PTPRD: variants seen among roughly 807,000 people sequenced by gnomAD.
PTPRD encodes receptor-type tyrosine-protein phosphatase delta.
PTPRD carries 34 observed loss-of-function variants against 214.5 expected under a neutral mutation model. The observed-to-expected ratio is 0.16, with a 90% confidence interval of 0.12 to 0.21. The LOEUF (loss-of-function observed/expected upper bound fraction) is 0.21. Ranked by LOEUF, PTPRD falls within the 10% of genes least tolerant of loss-of-function variation. The pLI is 1.00. For synonymous variants in PTPRD, 1,128 were observed against 845.7 expected (o/e 1.33, Z -5.79); for missense variants, 2,545 against 2,398.7 (o/e 1.06, Z -1.27).
intron 12 of PTPRD, among the ~76,000 whole-genome samples, chr9:8,702,050 T>G (rs950315529): frequency 6.6e-6 from 1 of 152,188 alleles, no homozygotes; most frequent in South Asian, 2.1e-4. Flanking sequence ...TTTATTTTTT[T>G]TAACGTGAGG....
intron 11 of PTPRD, among the ~76,000 whole-genome samples, chr9:8,776,354 G>C (rs1049392786): frequency 2.0e-5 from 3 of 152,158 alleles, no homozygotes; most frequent in Admixed American, 2.0e-4. Flanking sequence ...CCAGGCTGGA[G>C]TGCAATGGTG....
At chr9:9,424,393 T>TG (rs762565554) in intron 8 of PTPRD, among the ~76,000 whole-genome samples, 4 of 152,214 alleles carry the variant, frequency 2.6e-5, no homozygotes, top group Non-Finnish European at 4.4e-5. Flanking sequence ...ACCAGCTGGC[T>TG]GGCAACGGTC....
intron 10 of PTPRD, among the ~76,000 whole-genome samples, chr9:9,095,668 G>A (rs1192820158): frequency 6.6e-6 from 1 of 152,044 alleles, no homozygotes; most frequent in South Asian, 2.1e-4. Flanking sequence ...TGTAGATTGG[G>A]AGAACCATTA....
intron 8 of PTPRD, among the ~76,000 whole-genome samples, chr9:9,532,515 G>GT (rs2075703387): frequency 6.6e-6 from 1 of 152,142 alleles, no homozygotes; most frequent in South Asian, 2.1e-4. Context: ...AAGCACAGAT[G>GT]TAACAGTGGT....
At chr9:8,870,456 A>G (rs2098276113) in intron 11 of PTPRD, among the ~76,000 whole-genome samples, 1 of 152,066 alleles carries the variant, frequency 6.6e-6, no homozygotes, top group Admixed American at 6.6e-5. Flanking sequence ...CTCAAAATTA[A>G]AGGAAAAGGA....
At chr9:9,947,605 A>T (rs1218703194) in intron 4 of PTPRD, among the ~76,000 whole-genome samples, 1 of 63,026 alleles carries the variant, frequency 1.6e-5, no homozygotes, top group Non-Finnish European at 3.0e-5. Flanking sequence ...TAATATATAT[A>T]TTTTATATAT....
intron 3 of PTPRD, among the ~76,000 whole-genome samples, chr9:10,039,938 A>T (rs1051636261): frequency 2.6e-5 from 4 of 152,086 alleles, no homozygotes; most frequent in African/African-American, 9.7e-5. Context: ...TCTAATTTCT[A>T]AGGAAAATAT....
In PTPRD at chr9:9,678,742, C is replaced by CAG. The variant is rs142839684; in HGVS notation, c.-287+55789_-287+55790dup. ...AATAGCTCTCAGCATAACAAGGAGT[C>CAG]AGTCTAAACTTTAAGACAACTGTAT... On this transcript the variant is annotated intron_variant, in intron 7 of 45. Coordinates refer to ENST00000381196, the MANE Select transcript of PTPRD (RefSeq NM_002839.4). Among the ~76,000 whole-genome samples, 530 of 151,832 alleles carry CAG rather than the reference C, an allele frequency of 3.5e-3. 2 individuals are homozygous for CAG. The highest frequency in any genetic ancestry group is 0.012 in the African/African-American group (499 of 41,484).
chr9:9,131,608 T>C lies in PTPRD; in HGVS notation c.-143+51696A>G, dbSNP rs922663261. 6.6e-5 allele frequency among the ~76,000 whole-genome samples: 10 copies of C among 152,206 alleles called. No homozygotes were observed. The East Asian group carries it at 1.9e-3, about 29-fold the overall frequency. The stretch of plus-strand genomic sequence containing the variant: ...TCATTTTACAGAGAAGTACACATAG[T>C]AATAGTTACTTGGACTTTGCTTAAG... On this transcript the variant is annotated intron_variant, in intron 10 of 45. Coordinates refer to ENST00000381196, the MANE Select transcript of PTPRD (RefSeq NM_002839.4).
intron 14 of PTPRD, among the ~76,000 whole-genome samples, chr9:8,553,272 A>G (rs1251288372): frequency 2.0e-5 from 3 of 152,334 alleles, no homozygotes; most frequent in East Asian, 3.9e-4. Context: ...AGTGAAAGAA[A>G]AAAAGGAAAA....
chr9:10,241,746 C>A (rs908931263), intron 3 of PTPRD, among the ~76,000 whole-genome samples: 2 of 151,940 alleles, frequency 1.3e-5, no homozygotes, highest in Admixed American at 1.3e-4. Flanking sequence ...GATGATGGAT[C>A]TGTTTATTAT....
intron 9 of PTPRD, among the ~76,000 whole-genome samples, chr9:9,212,270 A>G (rs2099949257): frequency 6.6e-6 from 1 of 152,172 alleles, no homozygotes; most frequent in African/African-American, 2.4e-5. Flanking sequence ...GCCTTAAATT[A>G]TTGCCATAAG....
chr9:8,336,483 T>TAAAAAAAAAA (rs200451219), intron 43 of PTPRD, among the ~76,000 whole-genome samples: 1 of 140,928 alleles, frequency 7.1e-6, no homozygotes, highest in East Asian at 2.1e-4. Flanking sequence ...TGTAAAATGA[T>TAAAAAAAAAA]GAAAACCCCT....
chr9:10,279,363 A>G (rs2094951444), intron 3 of PTPRD, among the ~76,000 whole-genome samples: 1 of 152,180 alleles, frequency 6.6e-6, no homozygotes, highest in South Asian at 2.1e-4. Context: ...GAAACAGAAC[A>G]GAAATGCATG....
At chr9:9,127,612 A>T (rs868011381) in intron 10 of PTPRD, among the ~76,000 whole-genome samples, 23 of 152,286 alleles carry the variant, frequency 1.5e-4, no homozygotes, top group African/African-American at 5.5e-4. Flanking sequence ...TTTTAACATG[A>T]TAAAGTTAGA....
intron 3 of PTPRD, among the ~76,000 whole-genome samples, chr9:10,062,006 C>G (rs1252195378): frequency 6.6e-6 from 1 of 150,932 alleles, no homozygotes; most frequent in Non-Finnish European, 1.5e-5. Flanking sequence ...GGGATTATAA[C>G]GCACACTAGA....
chr9:8,661,420 C>T (rs2097049723), intron 12 of PTPRD, among the ~76,000 whole-genome samples: 1 of 151,850 alleles, frequency 6.6e-6, no homozygotes, highest in Admixed American at 6.6e-5. Context: ...AGTATCAAGG[C>T]AGTACTATGC....
intron 6 of PTPRD, among the ~76,000 whole-genome samples, chr9:9,737,642 T>C (rs1488534184): frequency 6.6e-6 from 1 of 152,190 alleles, no homozygotes. Flanking sequence ...ATTTTTAAAG[T>C]CCATTTATAC....
At chr9:9,408,081 A>T (rs909613367) in intron 8 of PTPRD, among the ~76,000 whole-genome samples, 1 of 151,882 alleles carries the variant, frequency 6.6e-6, no homozygotes, top group Non-Finnish European at 1.5e-5. Context: ...GCATGAACAG[A>T]AGCTATGAAA....
Sources: gnomAD v4.1 joint callset for allele counts (sites outside exome capture counted in the v4.1 genomes callset) on GRCh38, gnomAD v4.1.1 for gene constraint, MANE v1.5 for transcripts, NCBI Gene and HGNC (gene_info 2026-07-23, HGNC 2026-07-21) for gene names.